Variants in IQCK observed in about 807,000 individuals in gnomAD.
IQCK encodes IQ domain-containing protein K.
IQCK carries 29 observed loss-of-function variants against 28.1 expected under a neutral mutation model. That is an observed-to-expected ratio of 1.03 (90% CI 0.77 to 1.41). The LOEUF is 1.41. Ranked by LOEUF, IQCK falls within the 40% of genes most tolerant of loss-of-function variation. IQCK has a pLI of 0.00. For missense variants in IQCK, 359 were observed against 314.7 expected (o/e 1.14, Z -1.07); for synonymous variants, 113 against 115.1 (o/e 0.98, Z 0.12).
At chr16:19,752,168 A>C (rs1012727770) in intron 4 of IQCK, among the ~76,000 whole-genome samples, 1 of 152,230 alleles carries the variant, frequency 6.6e-6, no homozygotes, top group African/African-American at 2.4e-5. Context: ...ATTCCATGAC[A>C]TTCAGCCCTG....
chr16:19,724,063 C>G (rs966311893), intron 1 of IQCK, among the ~76,000 whole-genome samples: 2 of 152,110 alleles, frequency 1.3e-5, no homozygotes, highest in African/African-American at 2.4e-5. Flanking sequence ...ACAAGCACTT[C>G]GGTACCACTG....
At chr16:19,730,396 A>G (rs1263930762) in intron 1 of IQCK, 34 bp from the exon 2 acceptor site, 2 of 1,501,124 alleles carry the variant, frequency 1.3e-6, no homozygotes, top group Non-Finnish European at 1.8e-6. Context: ...CTAGTGAAGT[A>G]TGGAATTGAG....
chr16:19,799,831 T>C (rs904236806), intron 7 of IQCK, among the ~76,000 whole-genome samples: 1 of 40,006 alleles, frequency 2.5e-5, no homozygotes, highest in African/African-American at 1.8e-4. Flanking sequence ...ATAATGCCAT[T>C]GCACTGCAGC....
chr16:19,719,820 C>T (rs577271982), intron 1 of IQCK, among the ~76,000 whole-genome samples: 2 of 151,342 alleles, frequency 1.3e-5, no homozygotes, highest in African/African-American at 2.4e-5. Context: ...ATTACAGGCA[C>T]CCGTCATCAT....
At chr16:19,738,931 G>A (rs2054795487) in intron 4 of IQCK, among the ~76,000 whole-genome samples, 1 of 152,074 alleles carries the variant, frequency 6.6e-6, no homozygotes, top group African/African-American at 2.4e-5. Context: ...GGGTTGTGTT[G>A]GCACTTATCA....
chr16:19,808,186 C>T (rs2055857116), intron 7 of IQCK, among the ~76,000 whole-genome samples: 1 of 152,084 alleles, frequency 6.6e-6, no homozygotes, highest in Admixed American at 6.6e-5. Context: ...TGGGCTGCTT[C>T]GGGCCTGACT....
chr16:19,733,375 A>G (rs1019020376), intron 2 of IQCK, among the ~76,000 whole-genome samples: 1 of 151,956 alleles, frequency 6.6e-6, no homozygotes, highest in Non-Finnish European at 1.5e-5. Context: ...CTGACCTCAG[A>G]TGATCCATCT....
At chr16:19,742,195 C>G (rs1188999182) in intron 4 of IQCK, among the ~76,000 whole-genome samples, 2 of 152,138 alleles carry the variant, frequency 1.3e-5, no homozygotes, top group Non-Finnish European at 2.9e-5. Flanking sequence ...AATGATACTT[C>G]CAGACCCAAG....
chr16:19,763,263 TAGAA>T (rs1265019924), intron 4 of IQCK, among the ~76,000 whole-genome samples: 1 of 152,104 alleles, frequency 6.6e-6, no homozygotes, highest in Non-Finnish European at 1.5e-5. Context: ...AACAAAATTA[TAGAA>T]AGAGAAAATA....
At chr16:19,844,553 CAT>C (rs2056394608) in intron 9 of IQCK, among the ~76,000 whole-genome samples, 1 of 152,208 alleles carries the variant, frequency 6.6e-6, no homozygotes, top group African/African-American at 2.4e-5. Flanking sequence ...GCAAAAATGA[CAT>C]AGATGAGATC....
chr16:19,747,681 C>G (rs7198355), intron 4 of IQCK, among the ~76,000 whole-genome samples: 7,986 of 152,194 alleles, frequency 0.052, 666 homozygotes, highest in African/African-American at 0.18. Flanking sequence ...TGTCATTCCA[C>G]TCTATCCATC....
chr16:19,846,891 C>T lies in IQCK; in HGVS notation c.803-9596C>T, dbSNP rs548982468. ...TGCTCTTCATGGAAAAATAAAATCT[C>T]GGTAATATATATAATACACTCCCCT... is the stretch of plus-strand genomic sequence containing the variant. On this transcript the variant is annotated intron_variant, in intron 9 of 9. Transcript: ENST00000320394. Among the ~76,000 whole-genome samples, 9 of 151,700 alleles carry T rather than the reference C, an allele frequency of 5.9e-5. No individual in the cohort carries two copies. In the South Asian group the frequency reaches 1.0e-3, roughly 18 times the overall value.
chr16:19,785,215 G>A (rs1368072423), intron 6 of IQCK, among the ~76,000 whole-genome samples: 5 of 152,242 alleles, frequency 3.3e-5, no homozygotes, highest in Non-Finnish European at 5.9e-5. Context: ...CACACACCCA[G>A]GAGCAGAGCA....
At chr16:19,798,514 A>G (rs1055653082) in intron 7 of IQCK, among the ~76,000 whole-genome samples, 1 of 88,100 alleles carries the variant, frequency 1.1e-5, no homozygotes, top group Admixed American at 1.1e-4. Flanking sequence ...ACTTTTTATT[A>G]CTGGCACACA....
intron 6 of IQCK, among the ~76,000 whole-genome samples, chr16:19,767,032 G>A (rs546152620): frequency 1.3e-5 from 2 of 152,252 alleles, no homozygotes; most frequent in East Asian, 1.9e-4. Context: ...AAGGTGAAAC[G>A]GGAAAAATTA....
At chr16:19,858,250 G>A (rs566023622) in exon 10 of IQCK, 3 of 381,742 alleles carry the variant, frequency 7.9e-6, no homozygotes, top group Middle Eastern at 5.9e-4. Flanking sequence ...TTATGAAGGC[G>A]TTCAGCCCAC....
intron 4 of IQCK, among the ~76,000 whole-genome samples, chr16:19,743,442 A>T (rs922018219): frequency 6.6e-6 from 1 of 152,206 alleles, no homozygotes; most frequent in African/African-American, 2.4e-5. Flanking sequence ...TTCACAGACA[A>T]TGGAGAGCCA....
chr16:19,755,168 G>A (rs2055036163), intron 4 of IQCK, among the ~76,000 whole-genome samples: 1 of 152,210 alleles, frequency 6.6e-6, no homozygotes, highest in Non-Finnish European at 1.5e-5. Flanking sequence ...GAAATGTATT[G>A]TGGAAAATAC....
chr16:19,760,319 A>G (rs1400202257), intron 4 of IQCK, among the ~76,000 whole-genome samples: 2 of 152,154 alleles, frequency 1.3e-5, no homozygotes, highest in Non-Finnish European at 2.9e-5. Flanking sequence ...ATTGGTTCTT[A>G]TACCTGAAAG....
Sources: allele counts gnomAD v4.1 joint callset (sites outside exome capture counted in the v4.1 genomes callset), GRCh38; gene constraint gnomAD v4.1.1; transcripts MANE v1.5; gene names NCBI Gene and HGNC (gene_info 2026-07-23, HGNC 2026-07-21).